The following FHIT variants were observed in gnomAD, a reference collection of about 807,000 sequenced individuals.
FHIT encodes the protein bis(5'-adenosyl)-triphosphatase.
In FHIT, 19 loss-of-function variants were observed where a neutral mutation model predicts 17.9. The ratio of observed to expected loss-of-function variants is 1.06; its 90% CI spans 0.74 to 1.56. The LOEUF (loss-of-function observed/expected upper bound fraction) is 1.56, where lower values mean the gene tolerates loss of function less well. FHIT is among the 40% of genes most tolerant of loss of function. The pLI is 0.00. For synonymous variants in FHIT, 81 were observed against 69.7 expected (o/e 1.16, Z -0.81); for missense variants, 248 against 189.2 (o/e 1.31, Z -1.82).
intron 4 of FHIT, among the ~76,000 whole-genome samples, chr3:60,807,409 C>CA (rs5849392): frequency 0.11 from 14,934 of 141,664 alleles, 817 homozygotes; most frequent in Admixed American, 0.16. Flanking sequence ...CCTGTCTCTA[C>CA]AAAAAAAAAG....
intron 5 of FHIT, among the ~76,000 whole-genome samples, chr3:60,367,026 G>A (rs1368819077): frequency 2.0e-5 from 3 of 152,164 alleles, no homozygotes; most frequent in East Asian, 3.9e-4. Flanking sequence ...TGAGGAGAGT[G>A]AAGAAGAAGA....
chr3:60,225,822 A>G (rs1704171473), intron 5 of FHIT, among the ~76,000 whole-genome samples: 1 of 152,208 alleles, frequency 6.6e-6, no homozygotes, highest in South Asian at 2.1e-4. Context: ...TGGGGCTGAG[A>G]CAGAATACAG....
intron 5 of FHIT, among the ~76,000 whole-genome samples, chr3:60,142,239 ATC>A (rs147841753): frequency 0.012 from 1,881 of 152,270 alleles, 24 homozygotes; most frequent in South Asian, 0.043. Flanking sequence ...CATAAACTGC[ATC>A]TGTTTCCACA....
At chr3:60,674,316 A>G (rs1459957100) in intron 4 of FHIT, among the ~76,000 whole-genome samples, 6 of 152,188 alleles carry the variant, frequency 3.9e-5, no homozygotes, top group African/African-American at 9.6e-5. Flanking sequence ...CACCCATTTT[A>G]TGTCAAGTCC....
At chr3:60,351,247 G>A (rs546162158) in intron 5 of FHIT, among the ~76,000 whole-genome samples, 2 of 152,268 alleles carry the variant, frequency 1.3e-5, no homozygotes, top group African/African-American at 4.8e-5. Flanking sequence ...TGTATCACTA[G>A]GCACATTGTT....
chr3:61,175,409 T>A (rs1388852928), intron 2 of FHIT, among the ~76,000 whole-genome samples: 4 of 152,172 alleles, frequency 2.6e-5, no homozygotes, highest in Non-Finnish European at 5.9e-5. Flanking sequence ...GTCACCAGAC[T>A]GAGCTCTAGG....
chr3:60,289,514 C>G (rs1335780907), intron 5 of FHIT, among the ~76,000 whole-genome samples: 1 of 152,130 alleles, frequency 6.6e-6, no homozygotes, highest in Non-Finnish European at 1.5e-5. Context: ...CAAAAAGCTT[C>G]TGAATTGGAG....
intron 7 of FHIT, among the ~76,000 whole-genome samples, chr3:59,937,341 G>A (rs908753047): frequency 2.0e-5 from 3 of 152,194 alleles, no homozygotes; most frequent in Non-Finnish European, 2.9e-5. Flanking sequence ...ACCCTTCACA[G>A]TGTGATAAGA....
chr3:60,273,828 G>C (rs1474642486), intron 5 of FHIT, among the ~76,000 whole-genome samples: 1 of 152,156 alleles, frequency 6.6e-6, no homozygotes, highest in Non-Finnish European at 1.5e-5. Flanking sequence ...CTGAAGGACA[G>C]ATTGAAAGAG....
chr3:60,763,755 A>T (rs1699748367), intron 4 of FHIT, among the ~76,000 whole-genome samples: 1 of 152,184 alleles, frequency 6.6e-6, no homozygotes, highest in African/African-American at 2.4e-5. Flanking sequence ...ACAAATCAAG[A>T]CTCATATTAC....
chr3:61,211,991 C>A (rs539686341), intron 1 of FHIT, among the ~76,000 whole-genome samples: 1 of 151,266 alleles, frequency 6.6e-6, no homozygotes, highest in African/African-American at 2.4e-5. Flanking sequence ...GACATCCACA[C>A]CAAAAATCTG....
intron 7 of FHIT, among the ~76,000 whole-genome samples, chr3:60,003,170 G>A (rs1019463539): frequency 1.8e-4 from 28 of 151,958 alleles, no homozygotes; most frequent in African/African-American, 6.0e-4. Context: ...CTGTAAAGCC[G>A]AAACCCTCAG....
intron 2 of FHIT, among the ~76,000 whole-genome samples, chr3:61,072,960 T>G (rs913648180): frequency 2.0e-5 from 3 of 152,136 alleles, no homozygotes; most frequent in African/African-American, 2.4e-5. Context: ...TCTTAAAACA[T>G]GCACAACAGG....
chr3:59,963,270 AAAT>A (rs200969859), intron 7 of FHIT, among the ~76,000 whole-genome samples: 5 of 150,308 alleles, frequency 3.3e-5, no homozygotes, highest in East Asian at 1.9e-4. Context: ...CCATCTCAAA[AAAT>A]AATAATAATA....
chr3:60,785,075 A>G (rs782792448), intron 4 of FHIT, among the ~76,000 whole-genome samples: 1 of 152,220 alleles, frequency 6.6e-6, no homozygotes, highest in Non-Finnish European at 1.5e-5. Context: ...TCCACCAGAA[A>G]GATGGGGATC....
chr3:60,226,493 A>AAC lies in FHIT; in HGVS notation c.104-212343_104-212342dup, dbSNP rs1559743004. Among the ~76,000 whole-genome samples, 286 of 146,928 alleles carry AAC rather than the reference A, an allele frequency of 1.9e-3. 1 individual carries two copies. Among genetic ancestry groups the AAC allele is most frequent in the African/African-American group, 6.5e-3 (245 of 37,590 alleles). ...GTCTCAAAAAAAAAAAAAAAAAAAA[A>AAC]ACACTGCCTGCCTGCACTATACTAA... On this transcript the variant is annotated intron_variant, in intron 5 of 9. Transcript: ENST00000492590.
At chr3:60,409,345 T>C (rs373614964) in intron 5 of FHIT, among the ~76,000 whole-genome samples, 1 of 152,212 alleles carries the variant, frequency 6.6e-6, no homozygotes, top group Non-Finnish European at 1.5e-5. Context: ...GTCTAAAGAC[T>C]ATTTAAAGTA....
At chr3:61,074,128 G>A (rs2034896354) in intron 2 of FHIT, among the ~76,000 whole-genome samples, 2 of 151,962 alleles carry the variant, frequency 1.3e-5, no homozygotes, top group African/African-American at 4.8e-5. Context: ...CATGCCAAAT[G>A]GAAAACAAGA....
Position 60,375,058 on chromosome 3 carries a change from G to A in FHIT, c.103+161802C>T, listed in dbSNP as rs547230596. 3.6e-4 allele frequency among the ~76,000 whole-genome samples: 54 copies of A among 151,054 alleles called. No individual in the cohort carries two copies. In the Middle Eastern group the frequency reaches 0.048, roughly 134 times the overall value. On this transcript the variant is annotated intron_variant, in intron 5 of 9. Transcript: ENST00000492590. ...TAATGAGAAGAGGGAGAGAAAAATG[G>A]TAAAATACTTTATGCTCTTCAAGAA... is the stretch of plus-strand genomic sequence containing the variant.
Sources: gnomAD v4.1 joint callset for allele counts (sites outside exome capture counted in the v4.1 genomes callset) on GRCh38, gnomAD v4.1.1 for gene constraint, MANE v1.5 for transcripts, NCBI Gene and HGNC (gene_info 2026-07-23, HGNC 2026-07-21) for gene names.